The following LAMA2 variants were observed in gnomAD, a reference collection of about 807,000 sequenced individuals.
The protein encoded by LAMA2 is laminin subunit alpha 2.
In LAMA2, 269 loss-of-function variants were observed where a neutral mutation model predicts 364.8. The observed-to-expected ratio is 0.74, with a 90% confidence interval of 0.67 to 0.82. LAMA2 has a LOEUF of 0.82. Ranked by LOEUF, LAMA2 falls within the 40% of genes least tolerant of loss-of-function variation. The pLI, the probability that LAMA2 is intolerant of heterozygous loss-of-function variation, is 0.00. For missense variants in LAMA2, 3,807 were observed against 3,873.2 expected (o/e 0.98, Z 0.45); for synonymous variants, 1,379 against 1,370.6 (o/e 1.01, Z -0.14).
At chr6:129,250,001 C>G in intron 12 of LAMA2, 111 bp from the exon 13 acceptor site, 1 of 746,524 alleles carries the variant, frequency 1.3e-6, no homozygotes, top group South Asian at 1.4e-5. Context: ...ATTTCTGCGT[C>G]TTGCAAATAC....
intron 12 of LAMA2, among the ~76,000 whole-genome samples, chr6:129,235,235 G>T (rs1784910631): frequency 6.6e-6 from 1 of 152,098 alleles, no homozygotes; most frequent in Non-Finnish European, 1.5e-5. Flanking sequence ...TGGACAAAAA[G>T]AATAGGCTCT....
intron 9 of LAMA2, among the ~76,000 whole-genome samples, chr6:129,176,509 G>A (rs1780600927): frequency 6.6e-6 from 1 of 151,988 alleles, no homozygotes; most frequent in Non-Finnish European, 1.5e-5. Flanking sequence ...AGATGAGTAA[G>A]TTAGCATCAT....
intron 41 of LAMA2, chr6:129,437,072 A>G (rs754738290): frequency 6.6e-6 from 1 of 152,116 alleles, no homozygotes; most frequent in Non-Finnish European, 1.5e-5. Flanking sequence ...ACAGGAAGAA[A>G]AGGTTGAGGG....
chr6:129,302,480 C>T (rs2501460), intron 22 of LAMA2, among the ~76,000 whole-genome samples: 93,744 of 151,840 alleles, frequency 0.62, 29,456 homozygotes, highest in East Asian at 0.84. Flanking sequence ...ATCATCTAAT[C>T]TTTATAAACA....
chr6:129,121,280 T>A (rs1396739362), intron 4 of LAMA2, among the ~76,000 whole-genome samples: 2 of 152,184 alleles, frequency 1.3e-5, no homozygotes, highest in Non-Finnish European at 2.9e-5. Flanking sequence ...ATTGGGAGAT[T>A]TAGAAATTCA....
chr6:129,327,832 T>C (rs1315761285), intron 28 of LAMA2, among the ~76,000 whole-genome samples: 2 of 152,230 alleles, frequency 1.3e-5, no homozygotes, highest in East Asian at 3.8e-4. Context: ...ATTATATCAG[T>C]ATAAATAATG....
At chr6:128,916,369 A>G (rs1778316572) in intron 1 of LAMA2, among the ~76,000 whole-genome samples, 1 of 152,208 alleles carries the variant, frequency 6.6e-6, no homozygotes, top group African/African-American at 2.4e-5. Context: ...AAATAAATAT[A>G]ATAATCAGAG....
intron 1 of LAMA2, among the ~76,000 whole-genome samples, chr6:128,893,629 T>C (rs1776595516): frequency 6.6e-6 from 1 of 151,900 alleles, no homozygotes; most frequent in African/African-American, 2.4e-5. Flanking sequence ...TCAGTGAAAT[T>C]ATAAAACTAT....
chr6:129,059,549 T>C (rs1377888962), intron 2 of LAMA2, among the ~76,000 whole-genome samples: 1 of 152,220 alleles, frequency 6.6e-6, no homozygotes, highest in African/African-American at 2.4e-5. Flanking sequence ...GACCAGCTCA[T>C]TCCCCTGCAG....
intron 30 of LAMA2, 45 bp downstream of exon 30, chr6:129,342,512 T>C (rs201472719): frequency 6.2e-7 from 1 of 1,601,040 alleles, no homozygotes; most frequent in Non-Finnish European, 8.5e-7. Context: ...AGAAACGCCA[T>C]CTGTCTAGCA....
At chr6:129,433,801 T>G (rs1004473611) in intron 41 of LAMA2, among the ~76,000 whole-genome samples, 2 of 152,134 alleles carry the variant, frequency 1.3e-5, no homozygotes, top group Non-Finnish European at 2.9e-5. Flanking sequence ...AATAGCATTA[T>G]TATAATAAAA....
At chr6:128,970,873 T>C (rs1230432778) in intron 1 of LAMA2, among the ~76,000 whole-genome samples, 2 of 152,204 alleles carry the variant, frequency 1.3e-5, no homozygotes, top group Non-Finnish European at 2.9e-5. Context: ...GCTACATGTG[T>C]CTCTAGTGAG....
intron 1 of LAMA2, among the ~76,000 whole-genome samples, chr6:128,904,791 G>A (rs551653806): frequency 2.6e-4 from 40 of 152,172 alleles, no homozygotes; most frequent in African/African-American, 7.2e-4. Context: ...TTGCCAGGTC[G>A]GAACTTAGGC....
intron 1 of LAMA2, among the ~76,000 whole-genome samples, chr6:128,962,142 A>ATC: frequency 2.6e-5 from 1 of 38,950 alleles, no homozygotes; most frequent in Non-Finnish European, 4.9e-5. Flanking sequence ...TCTGGACCAT[A>ATC]TATATATATA....
chr6:128,945,709 A>G (rs184024778), intron 1 of LAMA2, among the ~76,000 whole-genome samples: 73 of 152,312 alleles, frequency 4.8e-4, no homozygotes, highest in African/African-American at 1.7e-3. Context: ...CATTTGTGGT[A>G]GGAAGATTCT....
At chr6:128,919,229 C>T (rs1487932326) in intron 1 of LAMA2, among the ~76,000 whole-genome samples, 1 of 152,178 alleles carries the variant, frequency 6.6e-6, no homozygotes, top group African/African-American at 2.4e-5. Flanking sequence ...TTGTTTCCCT[C>T]TTTGTATGTA....
chr6:129,342,562 CA>C lies in LAMA2; in HGVS notation c.4436+100del, dbSNP rs926679123. The C allele has an allele frequency of 2.2e-5, 26 of 1,185,082 alleles. No individual in the cohort carries two copies. The African/African-American group carries it at 4.0e-4, about 18-fold the overall frequency. 73.4% of individuals were successfully genotyped at this position (1,185,082 alleles called of 1,614,324 possible). ...GATTTGGCTATTTTTTCCATGTAGA[CA>C]AAAATCTCAATTTAAGATAGAGATA... On this transcript the variant is annotated intron_variant, in intron 30 of 64. Coordinates refer to ENST00000421865, the MANE Select transcript of LAMA2 (RefSeq NM_000426.4).
At chr6:129,118,608 TA>T (rs1776611772) in intron 4 of LAMA2, among the ~76,000 whole-genome samples, 1 of 152,232 alleles carries the variant, frequency 6.6e-6, no homozygotes, top group African/African-American at 2.4e-5. Context: ...GTAGCTTACT[TA>T]AAGATCTATT....
chr6:129,027,482 G>A (rs1161946001), intron 1 of LAMA2, among the ~76,000 whole-genome samples: 1 of 151,846 alleles, frequency 6.6e-6, no homozygotes, highest in Non-Finnish European at 1.5e-5. Context: ...TGCACCTATT[G>A]GTGTGCTAGA....
Sources: allele counts gnomAD v4.1 joint callset (sites outside exome capture counted in the v4.1 genomes callset), GRCh38; gene constraint gnomAD v4.1.1; transcripts MANE v1.5; gene names NCBI Gene and HGNC (gene_info 2026-07-23, HGNC 2026-07-21).